The following TACC2 variants were observed in gnomAD, a reference collection of about 807,000 sequenced individuals.
TACC2 encodes transforming acidic coiled-coil containing protein 2, also known as transforming acidic coiled-coil-containing protein 2.
TACC2 carries 137 observed loss-of-function variants against 227.3 expected under a neutral mutation model. That is an observed-to-expected ratio of 0.60 (90% CI 0.52 to 0.69). TACC2 has a LOEUF of 0.69. Among genes scored for constraint, TACC2 ranks in the 30% least tolerant of loss-of-function variants. TACC2 has a pLI of 0.00. For synonymous variants in TACC2, 1,523 were observed against 1,487.5 expected (o/e 1.02, Z -0.55); for missense variants, 3,470 against 3,694.4 (o/e 0.94, Z 1.57).
chr10:122,042,335 C>T (rs577588641), intron 2 of TACC2, among the ~76,000 whole-genome samples: 132 of 152,214 alleles, frequency 8.7e-4, no homozygotes, highest in Non-Finnish European at 1.4e-3. Flanking sequence ...CTCTGCCTCC[C>T]GGGGTCAAGC....
chr10:122,229,219 T>C, intron 14 of TACC2, 127 bp from the exon 15 acceptor site: 2 of 1,036,810 alleles, frequency 1.9e-6, no homozygotes, highest in Non-Finnish European at 2.9e-6. Flanking sequence ...TGGCAGCTAA[T>C]TGATACTCTC....
intron 1 of TACC2, among the ~76,000 whole-genome samples, chr10:122,003,132 G>C (rs1954622170): frequency 6.6e-6 from 1 of 152,048 alleles, no homozygotes; most frequent in Admixed American, 6.6e-5. Flanking sequence ...GAACCCAGGA[G>C]GCGGAGGTTG....
rs60115771 is a variant in TACC2, at chr10:122,159,693, G to A, written c.5834+15987G>A. Among the ~76,000 whole-genome samples, 1,285 of 152,270 alleles carry A rather than the reference G, an allele frequency of 8.4e-3. 18 individuals carry two copies. The highest frequency in any genetic ancestry group is 0.024 in the African/African-American group (992 of 41,546). ...CAGCCTCCCTCTGCTCGCCACCATG[G>A]TATAGTGGGTGGTGGTGAAGACCCA... On this transcript the variant is annotated intron_variant, in intron 7 of 22. Coordinates refer to ENST00000369005, the MANE Select transcript of TACC2 (RefSeq NM_206862.4).
At chr10:122,148,189 C>T (rs929232337) in intron 7 of TACC2, among the ~76,000 whole-genome samples, 1 of 151,478 alleles carries the variant, frequency 6.6e-6, no homozygotes, top group East Asian at 1.9e-4. Context: ...CTGCAACTTC[C>T]GCCTCCCGGG....
At position 122,125,776 on chromosome 10, in the gene TACC2, C is replaced by CCTTT. The variant is rs749526492; in HGVS notation, c.5574-6833_5574-6832insCTTT. Among the ~76,000 whole-genome samples the CCTTT allele has an allele frequency of 5.1e-3, 593 of 117,198 alleles. 8 individuals are homozygous for CCTTT. Among genetic ancestry groups the CCTTT allele is most frequent in the East Asian group, 9.2e-3 (35 of 3,790 alleles). The allele number at this position is 117,198 out of a possible 152,430, so 76.9% of individuals were successfully genotyped here. ...ACTCAAAGGCTACACAATATCCTTC[C>CCTTT]TTTTTTTTTTTTTTTTTTGAGAGGG... is the stretch of plus-strand genomic sequence containing the variant. On this transcript the variant is annotated intron_variant, in intron 5 of 22. Transcript: ENST00000369005.
Position 122,216,791 on chromosome 10 carries a change from C to T in TACC2, c.7509C>T (p.Thr2503=), listed in dbSNP as rs769356942. The change falls in exon 11 of 23, where the codon ACC becomes ACT. Residue 2503 remains threonine (T), a synonymous_variant. Coordinates refer to ENST00000369005, the MANE Select transcript of TACC2 (RefSeq NM_206862.4). ...ACCCGCAGCCCTCGGACCTGTCCAC[C>T]TTTGTAAACGAGACCAAATTCAGTT... The part of the protein sequence containing the change: ...QDYPQPSDLS[T]FVNETKFSSP... 6.2e-7 allele frequency: 1 copy of T among 1,614,124 alleles called. No homozygotes were observed. Among genetic ancestry groups the T allele is most frequent in the Admixed American group, 1.7e-5 (1 of 60,026 alleles).
chr10:122,250,810 G>C (rs2096240219), intron 22 of TACC2, among the ~76,000 whole-genome samples: 1 of 151,902 alleles, frequency 6.6e-6, no homozygotes, highest in South Asian at 2.1e-4. Flanking sequence ...TTTCCCTGAG[G>C]TCCATATCTG....
At chr10:122,236,676 T>G (rs2095863173) in intron 16 of TACC2, among the ~76,000 whole-genome samples, 1 of 152,138 alleles carries the variant, frequency 6.6e-6, no homozygotes, top group South Asian at 2.1e-4. Flanking sequence ...TGGGTTGGGG[T>G]GGTGGATCAT....
intron 1 of TACC2, among the ~76,000 whole-genome samples, chr10:122,018,111 C>A (rs1431225633): frequency 1.3e-5 from 2 of 151,854 alleles, no homozygotes; most frequent in Non-Finnish European, 2.9e-5. Context: ...CATCCTCCAA[C>A]TTCCCGCTTC....
At chr10:122,240,617 C>T (rs537773760) in intron 18 of TACC2, among the ~76,000 whole-genome samples, 2 of 152,328 alleles carry the variant, frequency 1.3e-5, no homozygotes, top group African/African-American at 4.8e-5. Flanking sequence ...CAGGGTCACA[C>T]AGCTGGGAGG....
At chr10:122,065,644 C>G (rs2077295736) in intron 3 of TACC2, among the ~76,000 whole-genome samples, 1 of 152,100 alleles carries the variant, frequency 6.6e-6, no homozygotes. Flanking sequence ...TAGTGTTGTT[C>G]ACGTCATCTG....
chr10:122,251,012 T>C (rs1381976769), intron 22 of TACC2, among the ~76,000 whole-genome samples: 2 of 140,362 alleles, frequency 1.4e-5, no homozygotes, highest in Non-Finnish European at 3.0e-5. Context: ...CTCAACCACC[T>C]GGGCTCAAGT....
At chr10:122,118,108 G>A (rs950701135) in intron 5 of TACC2, among the ~76,000 whole-genome samples, 12 of 149,982 alleles carry the variant, frequency 8.0e-5, no homozygotes, top group Non-Finnish European at 1.5e-4. Context: ...CTGCTTCCCC[G>A]GGTTCAAACT....
At chr10:122,183,376 C>T (rs1437483155) in intron 7 of TACC2, among the ~76,000 whole-genome samples, 2 of 152,128 alleles carry the variant, frequency 1.3e-5, no homozygotes, top group East Asian at 3.9e-4. Context: ...TGGTGTTGCC[C>T]TTTGCCCAGG....
At chr10:121,998,397 C>T (rs1259761866) in intron 1 of TACC2, among the ~76,000 whole-genome samples, 1 of 151,698 alleles carries the variant, frequency 6.6e-6, no homozygotes, top group Non-Finnish European at 1.5e-5. Context: ...CACTATGACC[C>T]TTGTCCTAGG....
At chr10:122,100,363 G>A (rs1256941630) in intron 5 of TACC2, among the ~76,000 whole-genome samples, 1 of 152,028 alleles carries the variant, frequency 6.6e-6, no homozygotes, top group Admixed American at 6.6e-5. Flanking sequence ...TTTCTGAGAA[G>A]GAAAGGTCCT....
intron 7 of TACC2, among the ~76,000 whole-genome samples, 168 bp downstream of exon 7, chr10:122,143,874 G>T (rs1467607138): frequency 2.0e-5 from 3 of 152,296 alleles, no homozygotes; most frequent in African/African-American, 7.2e-5. Context: ...CCGATCTCAG[G>T]TTTACCCTTG....
At chr10:122,023,319 C>A (rs1462390365) in intron 2 of TACC2, 1 of 152,136 alleles carries the variant, frequency 6.6e-6, no homozygotes, top group Non-Finnish European at 1.5e-5. Context: ...CATGAGCCCC[C>A]GCGCCCGGCC....
At chr10:122,105,988 ATT>A (rs35421851) in intron 5 of TACC2, among the ~76,000 whole-genome samples, 7,151 of 124,590 alleles carry the variant, frequency 0.057, 238 homozygotes, top group South Asian at 0.13. Context: ...ATACATATAC[ATT>A]TTTTTTTTTT....
Sources: allele counts gnomAD v4.1 joint callset (sites outside exome capture counted in the v4.1 genomes callset), GRCh38; gene constraint gnomAD v4.1.1; transcripts MANE v1.5; gene names NCBI Gene and HGNC (gene_info 2026-07-23, HGNC 2026-07-21).